Variants in CTNND2 observed in about 807,000 individuals in gnomAD.
CTNND2 encodes the protein catenin delta 2.
CTNND2 carries 22 observed loss-of-function variants against 144.4 expected under a neutral mutation model. The observed-to-expected ratio is 0.15, with a 90% CI of 0.11 to 0.22. The LOEUF (loss-of-function observed/expected upper bound fraction) is 0.22. CTNND2 is among the 10% of genes least tolerant of loss of function. The pLI, the probability that CTNND2 is intolerant of heterozygous loss-of-function variation, is 1.00. For synonymous variants in CTNND2, 751 were observed against 695.6 expected (o/e 1.08, Z -1.25); for missense variants, 1,353 against 1,618.8 (o/e 0.84, Z 2.82).
At chr5:11,805,182 A>G (rs2126895815) in intron 1 of CTNND2, among the ~76,000 whole-genome samples, 1 of 152,278 alleles carries the variant, frequency 6.6e-6, no homozygotes, top group South Asian at 2.1e-4. Flanking sequence ...CAGGAGGAGA[A>G]CAGAATGATC....
In CTNND2 at chr5:11,018,045, C is replaced by G; in HGVS notation, c.3013G>C (p.Val1005Leu). The G allele has an allele frequency of 6.2e-7, 1 of 1,613,054 alleles. No homozygotes were observed. Among genetic ancestry groups the G allele is most frequent in the Non-Finnish European group, 8.5e-7 (1 of 1,179,194 alleles). Reference protein sequence around the residue: ...KSKGDKHSPKVVKAASQVLNS... With the variant: ...KSKGDKHSPKLVKAASQVLNS... ...AGGACCTGAGATGCAGCCTTGACCA[C>G]TTTTGGAGAGTGTCTGATGAAGAAA... The change falls in exon 18 of 22, where the codon GTG becomes CTG. Residue 1005 changes from valine (V) to leucine (L), a missense_variant. Coordinates refer to ENST00000304623, the MANE Select transcript of CTNND2 (RefSeq NM_001332.4).
chr5:11,849,022 A>G (rs1023306186), intron 1 of CTNND2, among the ~76,000 whole-genome samples: 10 of 152,176 alleles, frequency 6.6e-5, no homozygotes, highest in African/African-American at 2.4e-4. Flanking sequence ...ACTAATAGAC[A>G]GTGTATTGGT....
At chr5:11,354,208 G>C (rs1323495112) in intron 8 of CTNND2, among the ~76,000 whole-genome samples, 1 of 152,196 alleles carries the variant, frequency 6.6e-6, no homozygotes, top group Admixed American at 6.5e-5. Flanking sequence ...CTAGTTTGGT[G>C]AGAACAGAAT....
chr5:11,468,970 G>A (rs1277509766), intron 3 of CTNND2, among the ~76,000 whole-genome samples: 1 of 152,124 alleles, frequency 6.6e-6, no homozygotes, highest in African/African-American at 2.4e-5. Context: ...TTTTCAGCTT[G>A]GGTTTCTGCA....
chr5:10,979,342 T>A (rs941651352), intron 21 of CTNND2, among the ~76,000 whole-genome samples: 3 of 152,242 alleles, frequency 2.0e-5, no homozygotes, highest in Non-Finnish European at 4.4e-5. Flanking sequence ...TGTCTACAGC[T>A]CATGACCCTA....
At position 11,384,638 on chromosome 5, in the gene CTNND2, T is replaced by G. The variant is rs1269449721; in HGVS notation, c.1177+27A>C. The G allele has an allele frequency of 6.3e-7, 1 of 1,578,584 alleles. No homozygotes were observed. The highest frequency in any genetic ancestry group is 8.6e-7 in the Non-Finnish European group (1 of 1,169,394). On this transcript the variant is annotated intron_variant, in intron 7 of 21. Transcript: ENST00000304623. The surrounding 1 kb of genome is among the most constrained non-coding windows in gnomAD (Gnocchi z 5.2). ...CGTCCCCGCCACGCGCCCAGGTGAG[T>G]CGCGCCAGGTGGCAGCGAGCCTTTA... is the stretch of plus-strand genomic sequence containing the variant.
chr5:11,575,133 G>C (rs1009269526), intron 2 of CTNND2, among the ~76,000 whole-genome samples: 3 of 152,098 alleles, frequency 2.0e-5, no homozygotes, highest in Non-Finnish European at 4.4e-5. Flanking sequence ...CACTAACAAC[G>C]CTTTCCTGAA....
intron 2 of CTNND2, among the ~76,000 whole-genome samples, chr5:11,711,143 C>A (rs1786006074): frequency 6.6e-6 from 1 of 152,104 alleles, no homozygotes; most frequent in African/African-American, 2.4e-5. Flanking sequence ...GCAACCTCTG[C>A]CTCCTGGGTT....
chr5:11,341,929 G>A (rs775412539), intron 9 of CTNND2, among the ~76,000 whole-genome samples: 8 of 152,308 alleles, frequency 5.3e-5, no homozygotes, highest in Non-Finnish European at 7.3e-5. Context: ...AGGATCATTT[G>A]AGCCTGGAAG....
chr5:11,240,650 ACACCCAACACACT>A (rs1255579450), intron 9 of CTNND2, among the ~76,000 whole-genome samples: 1 of 142,606 alleles, frequency 7.0e-6, no homozygotes, highest in African/African-American at 2.7e-5. Context: ...AACATACCCA[ACACCCAACACACT>A]CACCCAATAC....
chr5:11,547,377 A>G (rs1273516928), intron 3 of CTNND2, among the ~76,000 whole-genome samples: 1 of 152,094 alleles, frequency 6.6e-6, no homozygotes, highest in African/African-American at 2.4e-5. Flanking sequence ...AATTATTTAA[A>G]TGTTGTTTTA....
intron 16 of CTNND2, among the ~76,000 whole-genome samples, chr5:11,067,522 G>A (rs1747745616): frequency 6.6e-6 from 1 of 152,310 alleles, no homozygotes; most frequent in Non-Finnish European, 1.5e-5. Flanking sequence ...AGGTCCCAGA[G>A]GTTAGCCAAG....
intron 10 of CTNND2, among the ~76,000 whole-genome samples, chr5:11,222,815 A>G (rs1472279579): frequency 6.6e-6 from 1 of 152,050 alleles, no homozygotes; most frequent in Non-Finnish European, 1.5e-5. Flanking sequence ...AAAAAATAAA[A>G]AGGAATAAGC....
intron 18 of CTNND2, among the ~76,000 whole-genome samples, chr5:10,999,850 G>A (rs994399225): frequency 6.6e-6 from 1 of 152,136 alleles, no homozygotes; most frequent in Non-Finnish European, 1.5e-5. Context: ...TTCAGCCTCT[G>A]TGCTCAAGTT....
At chr5:11,096,393 T>A (rs1465024647) in intron 15 of CTNND2, among the ~76,000 whole-genome samples, 2 of 152,136 alleles carry the variant, frequency 1.3e-5, no homozygotes, top group Non-Finnish European at 2.9e-5. Flanking sequence ...CAATTCCCAC[T>A]TACGAGTGAG....
chr5:11,565,488 C>T (rs1351459536), intron 2 of CTNND2, among the ~76,000 whole-genome samples: 1 of 152,186 alleles, frequency 6.6e-6, no homozygotes, highest in Non-Finnish European at 1.5e-5. Context: ...TACTGGCCTT[C>T]TGGCCAACTC....
At chr5:11,685,534 C>T (rs927719703) in intron 2 of CTNND2, among the ~76,000 whole-genome samples, 1 of 152,106 alleles carries the variant, frequency 6.6e-6, no homozygotes, top group Non-Finnish European at 1.5e-5. Context: ...TCAAGTAAAA[C>T]AAATTCTTCT....
chr5:11,520,305 A>G (rs1442664754), intron 3 of CTNND2, among the ~76,000 whole-genome samples: 1 of 152,142 alleles, frequency 6.6e-6, no homozygotes, highest in Non-Finnish European at 1.5e-5. Context: ...GTTGACTCCA[A>G]GTTATTATCA....
In CTNND2 at chr5:11,342,798, C is replaced by G. The variant is rs1307670590; in HGVS notation, c.1628+3574G>C. ...AGAATGCTTTTGTGACTTATCACTA[C>G]CAACATGACTGACACTTCTTTCATA... On this transcript the variant is annotated intron_variant, in intron 9 of 21. Coordinates refer to ENST00000304623, the MANE Select transcript of CTNND2 (RefSeq NM_001332.4). Among the ~76,000 whole-genome samples, 3 of 152,114 alleles carry G rather than the reference C, an allele frequency of 2.0e-5. No individual in the cohort carries two copies. The East Asian group carries it at 5.8e-4, about 29-fold the overall frequency.
Sources: allele counts gnomAD v4.1 joint callset (sites outside exome capture counted in the v4.1 genomes callset), GRCh38; gene constraint gnomAD v4.1.1; non-coding constraint Gnocchi (gnomAD v3.1); transcripts MANE v1.5; gene names NCBI Gene and HGNC (gene_info 2026-07-23, HGNC 2026-07-21).